JAM2: variants seen among roughly 807,000 people sequenced by gnomAD.
JAM2 encodes the protein junctional adhesion molecule B.
In JAM2, 17 loss-of-function variants were observed where a neutral mutation model predicts 42.0. That is an observed-to-expected ratio of 0.40 (90% CI 0.28 to 0.61). JAM2 has a LOEUF of 0.61. Ranked by LOEUF, JAM2 falls within the 20% of genes least tolerant of loss-of-function variation. The pLI is 0.37. For missense variants in JAM2, 319 were observed against 358.3 expected (o/e 0.89, Z 0.89); for synonymous variants, 118 against 128.6 (o/e 0.92, Z 0.56).
At chr21:25,641,815 T>C (rs924080486) in intron 1 of JAM2, among the ~76,000 whole-genome samples, 2 of 152,222 alleles carry the variant, frequency 1.3e-5, no homozygotes, top group Non-Finnish European at 1.5e-5. Context: ...TTAGTTGTCC[T>C]GATTCCTTAG....
intron 9 of JAM2, chr21:25,714,205 A>G: frequency 1.5e-6 from 2 of 1,302,578 alleles, no homozygotes; most frequent in African/African-American, 1.5e-5. Context: ...AACAAGTTTA[A>G]TTAAATATAT....
intron 1 of JAM2, among the ~76,000 whole-genome samples, chr21:25,640,292 C>G (rs1307404280): frequency 6.6e-6 from 1 of 152,072 alleles, no homozygotes; most frequent in Non-Finnish European, 1.5e-5. Context: ...GCCGGCCACA[C>G]TTTGAGTCCC....
chr21:25,686,542 GTGCTGTATCACTTC>G (rs2033755317), intron 2 of JAM2, among the ~76,000 whole-genome samples: 1 of 152,212 alleles, frequency 6.6e-6, no homozygotes, highest in Non-Finnish European at 1.5e-5. Flanking sequence ...CAGCGCTGCT[GTGCTGTATCACTTC>G]CCATGATAGT....
At chr21:25,693,505 C>T (rs1195838970) in intron 3 of JAM2, among the ~76,000 whole-genome samples, 2 of 152,206 alleles carry the variant, frequency 1.3e-5, no homozygotes, top group Non-Finnish European at 2.9e-5. Flanking sequence ...GATCTACCGG[C>T]CTCGGCCTCC....
chr21:25,659,048 C>A (rs552543651), intron 1 of JAM2, among the ~76,000 whole-genome samples: 1 of 152,242 alleles, frequency 6.6e-6, no homozygotes, highest in South Asian at 2.1e-4. Context: ...AAATCAAATT[C>A]AAAGCAATAT....
chr21:25,665,531 A>G (rs1343558466), intron 1 of JAM2, among the ~76,000 whole-genome samples: 1 of 152,188 alleles, frequency 6.6e-6, no homozygotes, highest in Admixed American at 6.5e-5. Flanking sequence ...ATATGTATAT[A>G]AAGAGACTTG....
At chr21:25,696,205 G>A (rs181954359) in intron 4 of JAM2, among the ~76,000 whole-genome samples, 4 of 152,342 alleles carry the variant, frequency 2.6e-5, no homozygotes, top group East Asian at 3.9e-4. Context: ...GGCCAACATA[G>A]CGAAACCCCG....
intron 1 of JAM2, among the ~76,000 whole-genome samples, chr21:25,665,520 T>C (rs1003797824): frequency 1.2e-4 from 18 of 152,176 alleles, no homozygotes; most frequent in African/African-American, 4.3e-4. Context: ...TGTATGTACA[T>C]ATATGTATAT....
chr21:25,669,347 G>C (rs1298574732), intron 1 of JAM2, among the ~76,000 whole-genome samples: 1 of 151,004 alleles, frequency 6.6e-6, no homozygotes, highest in Admixed American at 6.6e-5. Flanking sequence ...ACTCCAGCCT[G>C]GGCAACAGAG....
At chr21:25,693,088 T>G (rs191469973) in intron 3 of JAM2, among the ~76,000 whole-genome samples, 174 of 152,310 alleles carry the variant, frequency 1.1e-3, no homozygotes, top group Middle Eastern at 6.8e-3. Flanking sequence ...CTCAGTGAAC[T>G]GCTTAACTGA....
At chr21:25,710,568 T>G (rs911764577) in intron 8 of JAM2, among the ~76,000 whole-genome samples, 2 of 152,124 alleles carry the variant, frequency 1.3e-5, no homozygotes, top group Admixed American at 6.5e-5. Flanking sequence ...CAAATAACCA[T>G]GAGAAGAGCG....
chr21:25,655,483 CTTTT>C (rs35503919), intron 1 of JAM2, among the ~76,000 whole-genome samples: 1 of 130,076 alleles, frequency 7.7e-6, no homozygotes, highest in Non-Finnish European at 1.6e-5. Flanking sequence ...AACATCAGCT[CTTTT>C]TTTTTTTTTT....
chr21:25,672,032 G>C (rs573193376), intron 1 of JAM2, among the ~76,000 whole-genome samples: 1 of 152,182 alleles, frequency 6.6e-6, no homozygotes, highest in Non-Finnish European at 1.5e-5. Flanking sequence ...TCTACGTAGC[G>C]TGGGAGGTGG....
At chr21:25,664,417 G>A (rs1303920800) in intron 1 of JAM2, among the ~76,000 whole-genome samples, 2 of 152,066 alleles carry the variant, frequency 1.3e-5, no homozygotes, top group East Asian at 1.9e-4. Context: ...TGTATTTTTT[G>A]TAGAGATGGG....
intron 1 of JAM2, among the ~76,000 whole-genome samples, chr21:25,654,905 G>C (rs562097620): frequency 5.3e-5 from 8 of 152,268 alleles, no homozygotes; most frequent in Non-Finnish European, 1.2e-4. Context: ...AAAAACAAAG[G>C]GGGAGAGAGG....
intron 3 of JAM2, among the ~76,000 whole-genome samples, chr21:25,692,729 T>C (rs547152773): frequency 6.6e-6 from 1 of 152,352 alleles, no homozygotes; most frequent in Non-Finnish European, 1.5e-5. Flanking sequence ...TTTTTATATT[T>C]GTTACATTAG....
intron 1 of JAM2, chr21:25,643,950 T>G (rs188412077): frequency 1.3e-5 from 2 of 152,332 alleles, no homozygotes; most frequent in Admixed American, 1.3e-4. Context: ...GCTGCTAGCT[T>G]TATTGAAGTC....
chr21:25,680,955 G>A (rs2033617572), intron 1 of JAM2, among the ~76,000 whole-genome samples: 1 of 152,140 alleles, frequency 6.6e-6, no homozygotes, highest in Non-Finnish European at 1.5e-5. Context: ...ATGTCATAGA[G>A]AGGTCAGGTA....
intron 1 of JAM2, among the ~76,000 whole-genome samples, chr21:25,671,067 C>A (rs1201342876): frequency 6.6e-6 from 1 of 152,210 alleles, no homozygotes; most frequent in Non-Finnish European, 1.5e-5. Flanking sequence ...AAAATTCACA[C>A]AGCTCTCATA....
Sources: allele counts gnomAD v4.1 joint callset (sites outside exome capture counted in the v4.1 genomes callset), GRCh38; gene constraint gnomAD v4.1.1; transcripts MANE v1.5; gene names NCBI Gene and HGNC (gene_info 2026-07-23, HGNC 2026-07-21).